HEATR4: variants seen among roughly 807,000 people sequenced by gnomAD.
HEATR4 encodes HEAT repeat-containing protein 4.
HEATR4 carries 95 observed loss-of-function variants against 108.8 expected under a neutral mutation model. The ratio of observed to expected loss-of-function variants is 0.87; its 90% CI spans 0.74 to 1.04. The LOEUF (loss-of-function observed/expected upper bound fraction) is 1.04, where lower values mean the gene tolerates loss of function less well. Among genes scored for constraint, HEATR4 ranks in the 50% least tolerant of loss-of-function variants. The probability of loss-of-function intolerance (pLI) is 0.00; values close to 1 mark genes in which losing one functional copy is unlikely to be tolerated. For synonymous variants in HEATR4, 443 were observed against 459.4 expected (o/e 0.96, Z 0.46); for missense variants, 1,152 against 1,253.8 (o/e 0.92, Z 1.23).
the HEATR4 span, among the ~76,000 whole-genome samples, chr14:73,629,749 A>G: frequency 6.6e-6 from 1 of 151,060 alleles, no homozygotes; most frequent in Admixed American, 6.6e-5. Context: ...GGTTCACGCC[A>G]TTCTCCTGCC....
Position 73,543,030 on chromosome 14 carries a change from T to G in HEATR4, c.-151-12786A>C. On this transcript the variant is annotated intron_variant, in intron 1 of 17. Coordinates refer to ENST00000553558, the MANE Select transcript of HEATR4 (RefSeq NM_001220484.1). ...GTTTGTGGAGCCATTCTTCTTCTTT[T>G]TCCTTTGTCCCTTTCTCAGGTAAAA... The G allele has an allele frequency of 2.4e-6, 3 of 1,262,148 alleles. 1 individual carries two copies. Among genetic ancestry groups the G allele is most frequent in the Non-Finnish European group, 3.2e-6 (3 of 942,618 alleles). 78.2% of individuals were successfully genotyped at this position (1,262,148 alleles called of 1,614,324 possible). A position where few individuals can be genotyped will look rare whatever the true frequency, so the allele number is the denominator to read the frequency against.
At chr14:73,507,047 C>T (rs1030492154) in intron 9 of HEATR4, among the ~76,000 whole-genome samples, 2 of 151,928 alleles carry the variant, frequency 1.3e-5, no homozygotes, top group Admixed American at 6.6e-5. Context: ...AGGTGATCTG[C>T]CTGCCTCGGC....
intron 16 of HEATR4, among the ~76,000 whole-genome samples, chr14:73,493,651 A>G (rs1885934280): frequency 6.6e-6 from 1 of 152,138 alleles, no homozygotes; most frequent in South Asian, 2.1e-4. Flanking sequence ...CAGCCTGGCC[A>G]ACATGGCAAA....
chr14:73,589,736 TCAA>T, the HEATR4 span, among the ~76,000 whole-genome samples: 1 of 152,196 alleles, frequency 6.6e-6, no homozygotes, highest in Non-Finnish European at 1.5e-5. Flanking sequence ...CTCACTGACT[TCAA>T]CAACGAAGCC....
rs1268776969 is a variant in HEATR4, at chr14:73,553,314, C to T, written c.-152+5437G>A. ...CTGGGCTCAGGAGTTCAAGACCAGC[C>T]TGGGCAACATGGTGAGACCCCATCT... On this transcript the variant is annotated intron_variant, in intron 1 of 17. Transcript: ENST00000553558. Among the ~76,000 whole-genome samples the T allele has an allele frequency of 2.6e-5, 3 of 114,026 alleles. 1 individual carries two copies. Among genetic ancestry groups the T allele is most frequent in the Admixed American group, 2.0e-4 (2 of 10,184 alleles). The allele number at this position is 114,026 out of a possible 152,430, so 74.8% of individuals were successfully genotyped here. A position where few individuals can be genotyped will look rare whatever the true frequency, so the allele number is the denominator to read the frequency against.
chr14:73,523,708 T>A (rs566335625), intron 2 of HEATR4, among the ~76,000 whole-genome samples: 2 of 152,270 alleles, frequency 1.3e-5, no homozygotes, highest in African/African-American at 4.8e-5. Context: ...GTCCTCTACA[T>A]GAAATGGCCT....
Position 73,492,237 on chromosome 14 carries a change from C to G in HEATR4, c.2844+829G>C. 6.2e-7 allele frequency: 1 copy of G among 1,614,040 alleles called. No individual in the cohort carries two copies. Among genetic ancestry groups the G allele is most frequent in the Non-Finnish European group, 8.5e-7 (1 of 1,179,898 alleles). ...TTTCCTCGGGGCTTCATTCACCAAG[C>G]TGAATGCCAGGATGGAGTCCACTCT... On this transcript the variant is annotated intron_variant, in intron 17 of 17. Coordinates refer to ENST00000553558, the MANE Select transcript of HEATR4 (RefSeq NM_001220484.1). This position sits in a 1 kb window ranked among gnomAD's most constrained non-coding sequence, Gnocchi z 4.9.
In HEATR4 at chr14:73,553,553, A is replaced by G. The variant is rs1313003756; in HGVS notation, c.-152+5198T>C. On this transcript the variant is annotated intron_variant, in intron 1 of 17. Coordinates refer to ENST00000553558, the MANE Select transcript of HEATR4 (RefSeq NM_001220484.1). ...AAAAAGTATTATCACATTGGGTATT[A>G]GGTTTGTTAAATAAAAATTATTGCT... 1.7e-5 allele frequency among the ~76,000 whole-genome samples: 2 copies of G among 114,900 alleles called. 1 individual carries two copies. Among genetic ancestry groups the G allele is most frequent in the African/African-American group, 5.6e-5 (2 of 35,656 alleles). The allele number at this position is 114,900 out of a possible 152,430, so 75.4% of individuals were successfully genotyped here. A position where few individuals can be genotyped will look rare whatever the true frequency, so the allele number is the denominator to read the frequency against.
the HEATR4 span, chr14:73,569,497 G>A: frequency 6.2e-7 from 1 of 1,611,674 alleles, no homozygotes; most frequent in Non-Finnish European, 8.5e-7. Flanking sequence ...ATCGCCGTGC[G>A]CGGCCTAGCC....
At chr14:73,479,032 G>T (rs557115591) in intron 17 of HEATR4, among the ~76,000 whole-genome samples, 190 bp from the exon 18 acceptor site, 6 of 151,954 alleles carry the variant, frequency 3.9e-5, no homozygotes, top group Non-Finnish European at 5.9e-5. Flanking sequence ...TCCGACTCCC[G>T]GGTTCAAGTG....
At chr14:73,520,793 T>G in intron 4 of HEATR4, 59 bp downstream of exon 4, 1 of 1,490,416 alleles carries the variant, frequency 6.7e-7, no homozygotes. Context: ...CCCAGCAATC[T>G]TCCACCTTCC....
rs1318318992 is a variant in HEATR4 at position 73,537,398 on chromosome 14, C to T, written c.-151-7154G>A. 1.9e-5 allele frequency: 24 copies of T among 1,234,146 alleles called. 7 individuals carry two copies. Among genetic ancestry groups the T allele is most frequent in the South Asian group, 7.0e-5 (5 of 71,282 alleles). 76.4% of individuals were successfully genotyped at this position (1,234,146 alleles called of 1,614,324 possible). ...GTCTCCACAGCTGAGGCAGTTTGGC[C>T]GGATTATTTGGGTTCCTGCTCGGAT... On this transcript the variant is annotated intron_variant, in intron 1 of 17. Transcript: ENST00000553558.
At chr14:73,490,350 T>C (rs1468597525) in intron 17 of HEATR4, among the ~76,000 whole-genome samples, 1 of 152,226 alleles carries the variant, frequency 6.6e-6, no homozygotes, top group Non-Finnish European at 1.5e-5. Context: ...AGTCTCGCTC[T>C]GTCGCCCAGG....
chr14:73,570,110 C>T, the HEATR4 span, among the ~76,000 whole-genome samples: 3 of 140,606 alleles, frequency 2.1e-5, no homozygotes, highest in African/African-American at 7.6e-5. Flanking sequence ...GGGAGTTACA[C>T]TTTTTTTTTT....
chr14:73,482,567 G>A (rs909597257), intron 17 of HEATR4, among the ~76,000 whole-genome samples: 10 of 152,092 alleles, frequency 6.6e-5, no homozygotes, highest in Admixed American at 6.6e-5. Context: ...TTTTTAAGGT[G>A]GTGAAACTAT....
In HEATR4 at chr14:73,509,515, G is replaced by A. The variant is rs1273558246; in HGVS notation, c.1559-42C>T. On this transcript the variant is annotated intron_variant, in intron 7 of 17. Transcript: ENST00000553558. ...CAGGTAAGAGAGTACTAGCCCCTTT[G>A]CTTTTCTCACACACAGCTTCCTTCC... 8 of 1,602,556 alleles carry A rather than the reference G, an allele frequency of 5.0e-6. No individual in the cohort carries two copies. The East Asian group carries it at 1.6e-4, about 31-fold the overall frequency.
At chr14:73,587,362 T>C in the HEATR4 span, among the ~76,000 whole-genome samples, 1 of 102,706 alleles carries the variant, frequency 9.7e-6, no homozygotes, top group Non-Finnish European at 1.7e-5. Context: ...ATCCACTTTT[T>C]TTTTTTTTGA....
At chr14:73,627,246 C>T in the HEATR4 span, among the ~76,000 whole-genome samples, 1 of 152,000 alleles carries the variant, frequency 6.6e-6, no homozygotes, top group Non-Finnish European at 1.5e-5. Flanking sequence ...CAGAATACTT[C>T]TGTGACCAAA....
At chr14:73,620,897 G>A in the HEATR4 span, among the ~76,000 whole-genome samples, 1 of 151,282 alleles carries the variant, frequency 6.6e-6, no homozygotes, top group South Asian at 2.1e-4. Context: ...ACACATTGCT[G>A]AACATTTACT....
Sources: gnomAD v4.1 joint callset for allele counts (sites outside exome capture counted in the v4.1 genomes callset) on GRCh38, gnomAD v4.1.1 for gene constraint, Gnocchi (gnomAD v3.1) non-coding constraint, MANE v1.5 for transcripts, NCBI Gene and HGNC (gene_info 2026-07-23, HGNC 2026-07-21) for gene names.